Variants in CPLX1 observed in about 807,000 individuals in gnomAD.
The protein encoded by CPLX1 is complexin 1.
A neutral mutation model predicts 15.6 loss-of-function variants in CPLX1; 6 were observed. That is an observed-to-expected ratio of 0.39 (90% confidence interval 0.21 to 0.76). CPLX1 has a LOEUF of 0.76. Among genes scored for constraint, CPLX1 ranks in the 30% least tolerant of loss-of-function variants. The pLI, the probability that CPLX1 is intolerant of heterozygous loss-of-function variation, is 0.43. For synonymous variants in CPLX1, 91 were observed against 75.2 expected (o/e 1.21, Z -1.08); for missense variants, 242 against 188.6 (o/e 1.28, Z -1.66).
In CPLX1 at chr4:792,471, C is replaced by T. The variant is rs2152643117; in HGVS notation, c.169G>A (p.Ala57Thr). 1.9e-6 allele frequency: 3 copies of T among 1,611,002 alleles called. No individual in the cohort carries two copies. Among genetic ancestry groups the T allele is most frequent in the South Asian group, 2.2e-5 (2 of 90,970 alleles). Residue 57 changes from alanine to threonine, a missense_variant, in exon 3 of 4, where the codon GCG (alanine) becomes ACG (threonine). Physicochemically the swap from Ala to Thr is moderately conservative, Grantham distance 58. Coordinates refer to ENST00000304062, the MANE Select transcript of CPLX1 (RefSeq NM_006651.4). ...ERKAKYAKME[A>T]EREAVRQGIR... ...CCCTGGCGCACGGCCTCGCGCTCCG[C>T]CTCCATCTTGGCGTACTTGGCCTTG...
At chr4:797,743 C>T (rs1371500957) in intron 2 of CPLX1, among the ~76,000 whole-genome samples, 1 of 151,212 alleles carries the variant, frequency 6.6e-6, no homozygotes, top group East Asian at 2.0e-4. Flanking sequence ...ACCATCCTGG[C>T]TAACACAATG....
At chr4:801,109 T>C (rs1359750077) in intron 2 of CPLX1, among the ~76,000 whole-genome samples, 1 of 151,292 alleles carries the variant, frequency 6.6e-6, no homozygotes, top group Non-Finnish European at 1.5e-5. Context: ...GGTCAGGAGA[T>C]TGAGAATAGC....
At chr4:795,215 C>T (rs1471651775) in intron 2 of CPLX1, among the ~76,000 whole-genome samples, 1 of 152,280 alleles carries the variant, frequency 6.6e-6, no homozygotes, top group East Asian at 1.9e-4. Flanking sequence ...AGGAGCGCAA[C>T]AGAAACTGCG....
intron 2 of CPLX1, among the ~76,000 whole-genome samples, chr4:811,422 A>G (rs892267749): frequency 1.3e-5 from 2 of 152,270 alleles, no homozygotes; most frequent in African/African-American, 4.8e-5. Flanking sequence ...TTGGGATTAC[A>G]GACATGAGCC....
At chr4:807,974 T>TA (rs995475068) in intron 2 of CPLX1, among the ~76,000 whole-genome samples, 6 of 152,046 alleles carry the variant, frequency 3.9e-5, no homozygotes, top group Admixed American at 2.0e-4. Context: ...CAACCAGGAA[T>TA]AAAAAATCCT....
chr4:787,432 G>C, intron 3 of CPLX1: 1 of 955,814 alleles, frequency 1.0e-6, no homozygotes, highest in Non-Finnish European at 1.2e-6. Flanking sequence ...CTTCAAAGGT[G>C]ATCTCATTCG....
At chr4:788,279 A>C in intron 3 of CPLX1, 3 of 984,858 alleles carry the variant, frequency 3.0e-6, no homozygotes, top group Non-Finnish European at 3.6e-6. Context: ...GTGCTCCCCA[A>C]CCCCACCGAG....
intron 2 of CPLX1, among the ~76,000 whole-genome samples, chr4:794,036 C>T (rs1746262202): frequency 6.6e-6 from 1 of 152,260 alleles, no homozygotes; most frequent in Non-Finnish European, 1.5e-5. Context: ...CGGGAAGCTC[C>T]GTGCTATACG....
chr4:798,474 C>T (rs533744194), intron 2 of CPLX1, among the ~76,000 whole-genome samples: 1 of 152,178 alleles, frequency 6.6e-6, no homozygotes, highest in Non-Finnish European at 1.5e-5. Context: ...TGCAGAGGCT[C>T]AATCATAGCT....
chr4:810,774 G>A lies in CPLX1; in HGVS notation c.31+13718C>T, dbSNP rs189038291. Among the ~76,000 whole-genome samples, 264 of 150,734 alleles carry A rather than the reference G, an allele frequency of 1.8e-3. 1 individual carries two copies. Among genetic ancestry groups the A allele is most frequent in the Non-Finnish European group, 3.3e-3 (226 of 67,794 alleles). ...TGCAATGGCGTGGTCTTGGCTCACT[G>A]CAACCTCCACCTCCTGGGTTCAAGT... On this transcript the variant is annotated intron_variant, in intron 2 of 3. Transcript: ENST00000304062.
At chr4:786,818 C>G in intron 3 of CPLX1, 120 bp from the exon 4 acceptor site, 1 of 1,415,948 alleles carries the variant, frequency 7.1e-7, no homozygotes, top group Non-Finnish European at 9.2e-7. Flanking sequence ...CCCTACCCCA[C>G]CAGGCACACA....
At chr4:803,444 A>G (rs1018620531) in intron 2 of CPLX1, among the ~76,000 whole-genome samples, 8 of 152,094 alleles carry the variant, frequency 5.3e-5, no homozygotes, top group African/African-American at 7.2e-5. Flanking sequence ...AGGCTGGTGT[A>G]CAGTGGCGCC....
chr4:810,042 ACTTT>A (rs1211943546), intron 2 of CPLX1, among the ~76,000 whole-genome samples: 11 of 138,278 alleles, frequency 8.0e-5, no homozygotes, highest in Admixed American at 4.3e-4. Context: ...GTGGATCTGC[ACTTT>A]CTTTTTTTTT....
rs752366371 is a variant in CPLX1 at position 792,398 on chromosome 4, C to A, written c.207+35G>T. 6.0e-6 allele frequency: 9 copies of A among 1,492,594 alleles called. No homozygotes were observed. The South Asian group carries it at 1.2e-4, about 20-fold the overall frequency. 92.5% of individuals were successfully genotyped at this position (1,492,594 alleles called of 1,614,324 possible). A position where few individuals can be genotyped will look rare whatever the true frequency, so the allele number is the denominator to read the frequency against. On this transcript the variant is annotated intron_variant, in intron 3 of 3. Coordinates refer to ENST00000304062, the MANE Select transcript of CPLX1 (RefSeq NM_006651.4). ...TCTGGGTCCCCGCTGGACTCAGGGC[C>A]GCCTTCCCGCAGGCGGGGCCGGCCC...
chr4:795,707 G>A lies in CPLX1; in HGVS notation c.32-3099C>T, dbSNP rs532612787. Among the ~76,000 whole-genome samples the A allele has an allele frequency of 3.5e-3, 531 of 152,182 alleles. 4 individuals carry two copies. Among genetic ancestry groups the A allele is most frequent in the African/African-American group, 0.012 (515 of 41,522 alleles). ...GACGGGGCTGGCAACGCCCCCCACA[G>A]CGGCACAGGCGGATAAACCCTCTGG... On this transcript the variant is annotated intron_variant, in intron 2 of 3. Coordinates refer to ENST00000304062, the MANE Select transcript of CPLX1 (RefSeq NM_006651.4).
At chr4:813,381 C>T (rs1352843821) in intron 2 of CPLX1, among the ~76,000 whole-genome samples, 1 of 151,910 alleles carries the variant, frequency 6.6e-6, no homozygotes, top group Non-Finnish European at 1.5e-5. Context: ...AGCAGGTGCA[C>T]GGATGGGCTC....
Position 824,859 on chromosome 4 carries a change from C to T in CPLX1, c.-79-258G>A, listed in dbSNP as rs2086211. ...GGGCTGCTGATGGCTTAGGGGGCAT[C>T]GCTCAGAGGCGCCTGGCGCCAGGCT... is the stretch of plus-strand genomic sequence containing the variant. On this transcript the variant is annotated intron_variant, in intron 1 of 3. Transcript: ENST00000304062. 1.3e-3 allele frequency: 629 copies of T among 497,108 alleles called. 2 individuals are homozygous for T. Among genetic ancestry groups the T allele is most frequent in the African/African-American group, 9.5e-3 (489 of 51,208 alleles). 30.8% of individuals were successfully genotyped at this position (497,108 alleles called of 1,614,324 possible).
chr4:802,340 A>T (rs1746475058), intron 2 of CPLX1, among the ~76,000 whole-genome samples: 1 of 152,238 alleles, frequency 6.6e-6, no homozygotes, highest in Non-Finnish European at 1.5e-5. Flanking sequence ...GTGCAAACTA[A>T]TCTACAGTGA....
chr4:799,649 G>A (rs919339280), intron 2 of CPLX1, among the ~76,000 whole-genome samples: 1 of 152,136 alleles, frequency 6.6e-6, no homozygotes, highest in Non-Finnish European at 1.5e-5. Flanking sequence ...GATCACCTGA[G>A]GTCTGGAGTT....
Sources: gnomAD v4.1 joint callset for allele counts (sites outside exome capture counted in the v4.1 genomes callset) on GRCh38, gnomAD v4.1.1 for gene constraint, MANE v1.5 for transcripts, NCBI Gene and HGNC (gene_info 2026-07-23, HGNC 2026-07-21) for gene names.